Variants in MMS22L observed in about 807,000 individuals in gnomAD.
MMS22L encodes the protein MMS22 like, DNA repair protein.
In MMS22L, 74 loss-of-function variants were observed where a neutral mutation model predicts 159.1. The ratio of observed to expected loss-of-function variants is 0.47; its 90% CI spans 0.39 to 0.56. MMS22L has a LOEUF of 0.56. Among genes scored for constraint, MMS22L ranks in the 20% least tolerant of loss-of-function variants. The pLI, the probability that MMS22L is intolerant of heterozygous loss-of-function variation, is 0.00. For synonymous variants in MMS22L, 517 were observed against 506.9 expected, an observed-to-expected ratio of 1.02 and a Z score of -0.27; for missense variants, 1,351 against 1,422.1, an observed-to-expected ratio of 0.95 and a Z score of 0.80.
chr6:97,263,376 T>A lies in MMS22L; in HGVS notation c.901A>T (p.Ile301Phe). The change falls in exon 9 of 25, where the codon ATT becomes TTT. Residue 301 changes from isoleucine (I) to phenylalanine (F), a missense_variant. Ile to Phe is a conservative substitution (Grantham distance 21). Coordinates refer to ENST00000683635, the MANE Select transcript of MMS22L (RefSeq NM_001350599.2). The stretch of plus-strand genomic sequence containing the variant: ...TTACTTCTGTGGTCTAGAAGATGAA[T>A]AAGTAGAACCCATAATTCTTTAATG... The part of the protein sequence containing the change: ...LCIKELWVLL[I>F]HLLDHRSKWF... The A allele has an allele frequency of 6.3e-7, 1 of 1,593,964 alleles. No homozygotes were observed. Among genetic ancestry groups the A allele is most frequent in the Non-Finnish European group, 8.5e-7 (1 of 1,173,620 alleles).
chr6:97,210,294 C>T (rs1808237978), intron 14 of MMS22L, among the ~76,000 whole-genome samples: 1 of 151,930 alleles, frequency 6.6e-6, no homozygotes, highest in Non-Finnish European at 1.5e-5. Context: ...AATAAGTGAA[C>T]AGAATCAGGT....
chr6:97,151,943 G>A (rs561992083), intron 22 of MMS22L, 76 bp from the exon 23 acceptor site: 294 of 1,052,282 alleles, frequency 2.8e-4, no homozygotes, highest in Admixed American at 8.5e-4. Flanking sequence ...GAACACTCTT[G>A]ATTTAGAAAA....
chr6:97,269,891 C>A lies in MMS22L; in HGVS notation c.697+11G>T. 2 of 1,584,758 alleles carry A rather than the reference C, an allele frequency of 1.3e-6. No homozygotes were observed. The highest frequency in any genetic ancestry group is 1.7e-6 in the Non-Finnish European group (2 of 1,158,242). ...TTAAAAAGAATATAAATCATAAATC[C>A]ATAAACTTACTCAATTTTTCACCCA... On this transcript the variant is annotated intron_variant, in intron 7 of 24. Transcript: ENST00000683635.
At chr6:97,171,848 T>C (rs1331813869) in intron 19 of MMS22L, among the ~76,000 whole-genome samples, 1 of 152,206 alleles carries the variant, frequency 6.6e-6, no homozygotes, top group Non-Finnish European at 1.5e-5. Flanking sequence ...TTGCTCTTTC[T>C]CTGTTTTATT....
chr6:97,261,724 T>C (rs910412488), intron 9 of MMS22L: 6 of 152,162 alleles, frequency 3.9e-5, no homozygotes, highest in Non-Finnish European at 8.8e-5. Context: ...ATTTTGCTGT[T>C]CTATATTTTG....
At chr6:97,200,615 T>TG (rs1352058457) in intron 14 of MMS22L, among the ~76,000 whole-genome samples, 1 of 151,740 alleles carries the variant, frequency 6.6e-6, no homozygotes, top group East Asian at 1.9e-4. Context: ...CATCTCCTGA[T>TG]GAAAAAAAAA....
At chr6:97,151,636 C>T in intron 23 of MMS22L, 135 bp downstream of exon 23, 1 of 698,680 alleles carries the variant, frequency 1.4e-6, no homozygotes, top group Non-Finnish European at 2.4e-6. Flanking sequence ...AAACTACTGC[C>T]AAAAATACAA....
rs772873214 is a variant in MMS22L, at chr6:97,229,055, T to C, written c.1878A>G (p.Ile626Met). 5.6e-6 allele frequency: 9 copies of C among 1,614,056 alleles called. No individual in the cohort carries two copies. The highest frequency in any genetic ancestry group is 5.1e-6 in the Non-Finnish European group (6 of 1,180,030). Residue 626 changes from isoleucine (I) to methionine (M), a missense_variant, in exon 14 of 25, where the codon ATA (isoleucine) becomes ATG (methionine). By Grantham distance (10) the Ile-to-Met change is conservative (BLOSUM62 1). Coordinates refer to ENST00000683635, the MANE Select transcript of MMS22L (RefSeq NM_001350599.2). ...QRQTIWTLLS[I>M]YIDGVQEVFE... Reference sequence around the variant, plus strand: ...ACACTTCTTGAACACCATCAATGTATATGGAAAGAAGGGTCCAGATAGTCT... The same window carrying C: ...ACACTTCTTGAACACCATCAATGTACATGGAAAGAAGGGTCCAGATAGTCT...
intron 19 of MMS22L, 51 bp from the exon 20 acceptor site, chr6:97,168,291 C>T (rs1434191024): frequency 1.3e-6 from 2 of 1,534,994 alleles, no homozygotes; most frequent in South Asian, 1.2e-5. Flanking sequence ...CTGACCAGAA[C>T]ATTTTGTCAC....
Position 97,168,170 on chromosome 6 carries a change from T to G in MMS22L, c.2910A>C (p.Ile970=). The G allele has an allele frequency of 6.2e-7, 1 of 1,613,304 alleles. No individual in the cohort carries two copies. Among genetic ancestry groups the G allele is most frequent in the Non-Finnish European group, 8.5e-7 (1 of 1,179,458 alleles). Residue 970 remains isoleucine (I), a synonymous_variant, in exon 20 of 25, where the codon ATA becomes ATC. Coordinates refer to ENST00000683635, the MANE Select transcript of MMS22L (RefSeq NM_001350599.2). ...CTGCATGTGGCAGCAGTAAACAATC[T>G]ATGATCCGGAATAGTAATTTTTGGG... The part of the protein sequence containing the change: ...SKAQKLLFRI[I]DCLLLPHAVL...
chr6:97,148,778 T>C (rs1801043094), intron 24 of MMS22L, among the ~76,000 whole-genome samples: 1 of 152,186 alleles, frequency 6.6e-6, no homozygotes, highest in Non-Finnish European at 1.5e-5. Context: ...TAATGTACTC[T>C]AAATGTATTA....
chr6:97,283,809 A>G (rs995284433), upstream of MMS22L, among the ~76,000 whole-genome samples: 2 of 152,210 alleles, frequency 1.3e-5, no homozygotes, highest in African/African-American at 4.8e-5. Context: ...CCATAAAACA[A>G]ATGTCATCAA....
chr6:97,153,591 G>A (rs1231281399), intron 22 of MMS22L, among the ~76,000 whole-genome samples: 1 of 151,798 alleles, frequency 6.6e-6, no homozygotes, highest in African/African-American at 2.4e-5. Flanking sequence ...GGCAGGTCTC[G>A]AAATCCTGAC....
intron 17 of MMS22L, among the ~76,000 whole-genome samples, chr6:97,178,842 T>G (rs1043242846): frequency 6.6e-6 from 1 of 152,074 alleles, no homozygotes; most frequent in African/African-American, 2.4e-5. Context: ...TTTGGAGGAT[T>G]TTTTTCAGGC....
intron 6 of MMS22L, chr6:97,270,906 G>A (rs1815665512): frequency 6.6e-6 from 1 of 151,838 alleles, no homozygotes; most frequent in South Asian, 2.1e-4. Context: ...AGAAATAAAA[G>A]CAACAATCAA....
At chr6:97,224,802 A>G (rs1810046829) in intron 14 of MMS22L, among the ~76,000 whole-genome samples, 1 of 151,876 alleles carries the variant, frequency 6.6e-6, no homozygotes, top group Non-Finnish European at 1.5e-5. Flanking sequence ...TAAAGACTGT[A>G]TAAGCCATTC....
chr6:97,243,100 C>CA (rs1383655855), intron 11 of MMS22L, among the ~76,000 whole-genome samples: 1 of 152,094 alleles, frequency 6.6e-6, no homozygotes, highest in East Asian at 1.9e-4. Context: ...CTTTGAGCTT[C>CA]TTGTATTTGG....
intron 4 of MMS22L, among the ~76,000 whole-genome samples, chr6:97,277,147 G>A (rs964868836): frequency 2.0e-5 from 3 of 152,166 alleles, no homozygotes; most frequent in African/African-American, 7.2e-5. Context: ...AGGCACGGTG[G>A]CTCACGCCTG....
chr6:97,237,056 G>A (rs1582739038), intron 11 of MMS22L, among the ~76,000 whole-genome samples: 1 of 152,032 alleles, frequency 6.6e-6, no homozygotes, highest in Non-Finnish European at 1.5e-5. Flanking sequence ...TATTGTTTAA[G>A]AAACAAAGTG....
Sources: allele counts gnomAD v4.1 joint callset (sites outside exome capture counted in the v4.1 genomes callset), GRCh38; gene constraint gnomAD v4.1.1; transcripts MANE v1.5; gene names NCBI Gene and HGNC (gene_info 2026-07-23, HGNC 2026-07-21).